GLRA2: variants seen among roughly 807,000 people sequenced by gnomAD.
The protein encoded by GLRA2 is glycine receptor alpha 2.
Under a neutral mutation model 31.6 loss-of-function variants are expected in GLRA2, and 11 were observed. The observed-to-expected ratio is 0.35, with a 90% confidence interval of 0.22 to 0.58. The LOEUF is 0.58. GLRA2 is among the 20% of genes least tolerant of loss of function. The pLI is 0.84. For synonymous variants in GLRA2, 132 were observed against 134.0 expected (o/e 0.99, Z 0.10); for missense variants, 212 against 351.8 (o/e 0.60, Z 3.18).
At chrX:14,563,096 C>A (rs1273850413) in intron 2 of GLRA2, among the ~76,000 whole-genome samples, 1 of 112,426 alleles carries the variant, frequency 8.9e-6, no homozygotes, top group Non-Finnish European at 1.9e-5. Flanking sequence ...ATGCATATGG[C>A]AAATTTAGAA....
chrX:14,496,595 T>G, the GLRA2 span, among the ~76,000 whole-genome samples: 1 of 112,117 alleles, frequency 8.9e-6, no homozygotes, highest in Admixed American at 9.5e-5. Flanking sequence ...ACTAAATTAT[T>G]GTAAATCCAA....
the GLRA2 span, among the ~76,000 whole-genome samples, chrX:14,490,944 G>A: frequency 3.6e-5 from 4 of 111,673 alleles, no homozygotes; most frequent in African/African-American, 1.3e-4. Context: ...TTTACTAACA[G>A]CATCTGACCA....
At chrX:14,483,444 G>A in the GLRA2 span, among the ~76,000 whole-genome samples, 1 of 111,899 alleles carries the variant, frequency 8.9e-6, no homozygotes, top group Admixed American at 9.5e-5. Context: ...CTACTTCATA[G>A]GGTTATAGTA....
At chrX:14,514,699 G>T in the GLRA2 span, among the ~76,000 whole-genome samples, 1 of 111,046 alleles carries the variant, frequency 9.0e-6, no homozygotes, top group Non-Finnish European at 1.9e-5. Flanking sequence ...TGTTAATTCT[G>T]GTCAACAATT....
chrX:14,523,997 C>G, the GLRA2 span, among the ~76,000 whole-genome samples: 1 of 111,996 alleles, frequency 8.9e-6, no homozygotes, highest in African/African-American at 3.2e-5. Context: ...CAAGTTTTAT[C>G]ATGAGATTGC....
chrX:14,468,481 T>C, the GLRA2 span, among the ~76,000 whole-genome samples: 3 of 111,915 alleles, frequency 2.7e-5, no homozygotes, highest in African/African-American at 9.7e-5. Flanking sequence ...ACTTATTTGA[T>C]GTGGAACGCT....
At chrX:14,566,170 A>G (rs776900779) in intron 2 of GLRA2, among the ~76,000 whole-genome samples, 1 of 111,958 alleles carries the variant, frequency 8.9e-6, no homozygotes, top group African/African-American at 3.2e-5. Context: ...TTAAGAGAAG[A>G]TTACGAATAA....
At chrX:14,618,874 T>A (rs1380942121) in intron 7 of GLRA2, among the ~76,000 whole-genome samples, 2 of 111,617 alleles carry the variant, frequency 1.8e-5, no homozygotes, top group African/African-American at 6.5e-5. Flanking sequence ...CTGTACACAT[T>A]TCATTACACG....
the GLRA2 span, among the ~76,000 whole-genome samples, chrX:14,449,945 C>T: frequency 9.0e-6 from 1 of 111,703 alleles, no homozygotes; most frequent in Non-Finnish European, 1.9e-5. Context: ...TGCACAAGAC[C>T]AGTCCAGGAA....
At chrX:14,613,916 G>A (rs1467721317) in intron 7 of GLRA2, among the ~76,000 whole-genome samples, 6 of 111,549 alleles carry the variant, frequency 5.4e-5, no homozygotes, top group East Asian at 2.8e-4. Flanking sequence ...ATGTACAAAC[G>A]TGTATTTTTC....
At chrX:14,672,357 C>T (rs2091102306) in intron 7 of GLRA2, among the ~76,000 whole-genome samples, 1 of 112,498 alleles carries the variant, frequency 8.9e-6, no homozygotes, top group Admixed American at 9.4e-5. Flanking sequence ...CACACTTACA[C>T]TTTATCTTTT....
At chrX:14,611,849 T>C (rs2090401250) in intron 7 of GLRA2, among the ~76,000 whole-genome samples, 1 of 112,060 alleles carries the variant, frequency 8.9e-6, no homozygotes, top group Non-Finnish European at 1.9e-5. Context: ...TGTGAGGCCA[T>C]GTTGAAGATA....
chrX:14,730,509 C>G lies in GLRA2; in HGVS notation c.*24C>G, dbSNP rs777634221. On this transcript the variant is annotated 3_prime_UTR_variant, in exon 9 of 9. Transcript: ENST00000218075. Reference sequence around the variant, plus strand: ...AGATGTGCCCTACAGACCCTGGGACCTTCTTGCCTCAGTGTTGTGCTTGTA... The same window carrying G: ...AGATGTGCCCTACAGACCCTGGGACGTTCTTGCCTCAGTGTTGTGCTTGTA... 9.3e-7 allele frequency: 1 copy of G among 1,072,898 alleles called. No homozygotes were observed. The highest frequency in any genetic ancestry group is 2.0e-5 in the African/African-American group (1 of 49,648). The allele number at this position is 1,072,898 out of a possible 1,213,427, so 88.4% of individuals were successfully genotyped here. A position where few individuals can be genotyped will look rare whatever the true frequency, so the allele number is the denominator to read the frequency against.
intron 7 of GLRA2, among the ~76,000 whole-genome samples, chrX:14,661,698 C>G (rs1057448647): frequency 4.6e-5 from 5 of 108,733 alleles, no homozygotes; most frequent in African/African-American, 1.7e-4. Context: ...ACGGCAAAAC[C>G]CTGTCTCTAC....
chrX:14,478,676 C>T, the GLRA2 span, among the ~76,000 whole-genome samples: 1 of 111,939 alleles, frequency 8.9e-6, no homozygotes, highest in East Asian at 2.8e-4. Flanking sequence ...TATAATGTTT[C>T]CTTAATTATC....
intron 2 of GLRA2, among the ~76,000 whole-genome samples, chrX:14,551,719 A>G (rs896924305): frequency 6.3e-5 from 7 of 111,966 alleles, no homozygotes; most frequent in South Asian, 3.7e-4. Flanking sequence ...GTTTGCTTCT[A>G]AATAGAGTTT....
the GLRA2 span, among the ~76,000 whole-genome samples, chrX:14,467,535 G>T: frequency 1.8e-5 from 2 of 112,297 alleles, no homozygotes; most frequent in African/African-American, 6.5e-5. Context: ...ACAATAAAGG[G>T]AATATGTGAA....
chrX:14,490,790 A>G, the GLRA2 span, among the ~76,000 whole-genome samples: 1,037 of 111,874 alleles, frequency 9.3e-3, 10 homozygotes, highest in African/African-American at 0.032. Flanking sequence ...GAAGGAGTGT[A>G]TGGGGGAAAA....
chrX:14,480,723 T>G, the GLRA2 span, among the ~76,000 whole-genome samples: 1 of 111,859 alleles, frequency 8.9e-6, no homozygotes, highest in Non-Finnish European at 1.9e-5. Context: ...TCTATGTGTC[T>G]GTTTTTGTAC....
Sources: gnomAD v4.1 joint callset for allele counts (sites outside exome capture counted in the v4.1 genomes callset) on GRCh38, gnomAD v4.1.1 for gene constraint, MANE v1.5 for transcripts, NCBI Gene and HGNC (gene_info 2026-07-23, HGNC 2026-07-21) for gene names.